The following TMPRSS6 variants were observed in gnomAD, a reference collection of about 807,000 sequenced individuals.
TMPRSS6 encodes transmembrane serine protease 6.
A neutral mutation model predicts 101.5 loss-of-function variants in TMPRSS6; 67 were observed. The observed-to-expected ratio is 0.66, with a 90% CI of 0.54 to 0.81. The LOEUF (loss-of-function observed/expected upper bound fraction) is 0.81. Among genes scored for constraint, TMPRSS6 ranks in the 30% least tolerant of loss-of-function variants. TMPRSS6 has a pLI of 0.00. For missense variants in TMPRSS6, 1,034 were observed against 1,088.7 expected (o/e 0.95, Z 0.71); for synonymous variants, 453 against 464.9 (o/e 0.97, Z 0.33).
intron 16 of TMPRSS6, among the ~76,000 whole-genome samples, 170 bp downstream of exon 16, chr22:37,068,903 T>G (rs1389378290): frequency 6.6e-6 from 1 of 152,256 alleles, no homozygotes; most frequent in Non-Finnish European, 1.5e-5. Context: ...ACAGGCCGCA[T>G]TAAATGGTGG....
chr22:37,073,391 GATGA>G (rs1487402555), intron 13 of TMPRSS6, 137 bp downstream of exon 13: 47 of 592,476 alleles, frequency 7.9e-5, no homozygotes, highest in African/African-American at 2.4e-4. Context: ...TGGATGGATG[GATGA>G]ATGGACAGAC....
intron 2 of TMPRSS6, among the ~76,000 whole-genome samples, chr22:37,102,604 G>A (rs973569357): frequency 1.3e-5 from 2 of 152,202 alleles, no homozygotes; most frequent in African/African-American, 2.4e-5. Context: ...GGGACTGACT[G>A]AGGGCTGTGA....
intron 2 of TMPRSS6, among the ~76,000 whole-genome samples, chr22:37,102,988 C>T (rs1045496706): frequency 1.3e-5 from 2 of 151,988 alleles, no homozygotes; most frequent in African/African-American, 4.8e-5. Flanking sequence ...GGCACTTTGC[C>T]CAAGCAGGAA....
At chr22:37,078,946 AAGGAG>A (rs1357476237) in intron 10 of TMPRSS6, among the ~76,000 whole-genome samples, 3 of 132,550 alleles carry the variant, frequency 2.3e-5, no homozygotes, top group African/African-American at 6.1e-5. Context: ...GGAGAAGGAG[AAGGAG>A]AAAAAGAGAA....
At chr22:37,080,483 G>C (rs1928176447) in intron 10 of TMPRSS6, among the ~76,000 whole-genome samples, 1 of 152,258 alleles carries the variant, frequency 6.6e-6, no homozygotes, top group South Asian at 2.1e-4. Context: ...CTGAAAATCT[G>C]CTCTTCCCTA....
chr22:37,076,272 CCT>C (rs1927664475), intron 10 of TMPRSS6, among the ~76,000 whole-genome samples: 1 of 152,174 alleles, frequency 6.6e-6, no homozygotes, highest in Admixed American at 6.5e-5. Context: ...CTCCTGCCTC[CCT>C]GTGACACTGT....
At chr22:37,092,849 G>A (rs1213356852) in intron 6 of TMPRSS6, among the ~76,000 whole-genome samples, 2 of 152,186 alleles carry the variant, frequency 1.3e-5, no homozygotes, top group African/African-American at 4.8e-5. Context: ...CCCCAGTCAG[G>A]AGCAACCCCT....
At chr22:37,099,479 G>A (rs997179809) in intron 2 of TMPRSS6, among the ~76,000 whole-genome samples, 1 of 152,146 alleles carries the variant, frequency 6.6e-6, no homozygotes, top group Non-Finnish European at 1.5e-5. Flanking sequence ...AGTGAAGAGG[G>A]TAGACTCACA....
intron 7 of TMPRSS6, among the ~76,000 whole-genome samples, chr22:37,088,872 C>T (rs901275732): frequency 6.6e-6 from 1 of 152,208 alleles, no homozygotes; most frequent in African/African-American, 2.4e-5. Flanking sequence ...TTAAATCCTC[C>T]AATGATCCGG....
At chr22:37,102,724 AG>A (rs1930430091) in intron 2 of TMPRSS6, among the ~76,000 whole-genome samples, 1 of 152,114 alleles carries the variant, frequency 6.6e-6, no homozygotes, top group South Asian at 2.1e-4. Flanking sequence ...GGAGACCCAG[AG>A]GGGATAGAGC....
chr22:37,072,511 G>C (rs1326495276), intron 13 of TMPRSS6, among the ~76,000 whole-genome samples: 4 of 148,282 alleles, frequency 2.7e-5, no homozygotes, highest in Non-Finnish European at 6.0e-5. Flanking sequence ...ATAGACGATG[G>C]ACAGATGGAT....
chr22:37,067,083 T>A, intron 16 of TMPRSS6, 121 bp from the exon 17 acceptor site: 1 of 1,440,778 alleles, frequency 6.9e-7, no homozygotes, highest in Non-Finnish European at 9.5e-7. Context: ...TGCCCACCCT[T>A]ACCCCTGCTA....
chr22:37,098,273 C>G, intron 3 of TMPRSS6, 143 bp downstream of exon 3: 2 of 1,255,302 alleles, frequency 1.6e-6, no homozygotes, highest in Non-Finnish European at 2.3e-6. Context: ...TCAACCTCAT[C>G]TGCTTCCATG....
At chr22:37,082,364 GAC>G (rs1928336992) in intron 10 of TMPRSS6, 1 of 154,238 alleles carries the variant, frequency 6.5e-6, no homozygotes, top group African/African-American at 2.4e-5. Flanking sequence ...TGAGGGATGA[GAC>G]AGGGAGTGTC....
Position 37,096,101 on chromosome 22 carries a change from C to A in TMPRSS6, c.405-11G>T. 2.5e-6 allele frequency: 4 copies of A among 1,614,002 alleles called. No individual in the cohort carries two copies. Among genetic ancestry groups the A allele is most frequent in the Non-Finnish European group, 3.4e-6 (4 of 1,180,004 alleles). The stretch of plus-strand genomic sequence containing the variant: ...GTGAGGGGTCCCTCCCTAAGGCAGG[C>A]AGAAGTGAGAGAGGCCAGGGAAGGA... On this transcript the variant is annotated splice_polypyrimidine_tract_variant and intron_variant, in intron 4 of 17. Coordinates refer to ENST00000676104, the MANE Select transcript of TMPRSS6 (RefSeq NM_001374504.1).
In TMPRSS6 at chr22:37,084,416, G is replaced by A. The variant is rs745578563; in HGVS notation, c.1087-12C>T. On this transcript the variant is annotated splice_polypyrimidine_tract_variant and intron_variant, in intron 9 of 17. Coordinates refer to ENST00000676104, the MANE Select transcript of TMPRSS6 (RefSeq NM_001374504.1). Reference sequence around the variant, plus strand: ...TCCAGAGAGGGCACCTGGGAGGGAGGAGCGGGCCATCAGGTGGCCCATGGG... The same window carrying A: ...TCCAGAGAGGGCACCTGGGAGGGAGAAGCGGGCCATCAGGTGGCCCATGGG... The A allele has an allele frequency of 1.9e-5, 30 of 1,603,688 alleles. No homozygotes were observed. The highest frequency in any genetic ancestry group is 2.4e-5 in the Non-Finnish European group (28 of 1,173,952).
chr22:37,099,735 G>A (rs773070954), intron 2 of TMPRSS6, among the ~76,000 whole-genome samples: 1 of 152,188 alleles, frequency 6.6e-6, no homozygotes, highest in Non-Finnish European at 1.5e-5. Context: ...GCGATATGGA[G>A]GTCAGGGAAG....
At chr22:37,070,428 C>G in intron 15 of TMPRSS6, 56 bp downstream of exon 15, 1 of 1,605,386 alleles carries the variant, frequency 6.2e-7, no homozygotes, top group Non-Finnish European at 8.5e-7. Flanking sequence ...CACCTCCCAC[C>G]GGGCCTTCCC....
In TMPRSS6 at chr22:37,067,241, C is replaced by T. The variant is rs370747717; in HGVS notation, c.2114-279G>A. On this transcript the variant is annotated intron_variant, in intron 16 of 17. Transcript: ENST00000676104. ...ATCCCAGCACTTTGGGAGGCTGAGG[C>T]GGACGGAACACCTGAGGTCAAGAGT... Among the ~76,000 whole-genome samples, 4 of 152,106 alleles carry T rather than the reference C, an allele frequency of 2.6e-5. No individual in the cohort carries two copies. In the East Asian group the frequency reaches 5.8e-4, roughly 22 times the overall value.
Sources: gnomAD v4.1 joint callset for allele counts (sites outside exome capture counted in the v4.1 genomes callset) on GRCh38, gnomAD v4.1.1 for gene constraint, MANE v1.5 for transcripts, NCBI Gene and HGNC (gene_info 2026-07-23, HGNC 2026-07-21) for gene names.